The following JPH3 variants were observed in gnomAD, a reference collection of about 807,000 sequenced individuals.
JPH3 encodes junctophilin-3.
JPH3 carries 11 observed loss-of-function variants against 59.6 expected under a neutral mutation model. That is an observed-to-expected ratio of 0.18 (90% CI 0.12 to 0.31). JPH3 has a LOEUF of 0.31. JPH3 is among the 10% of genes least tolerant of loss of function. The probability of loss-of-function intolerance (pLI) is 1.00; values close to 1 mark genes in which losing one functional copy is unlikely to be tolerated. For missense variants in JPH3, 1,202 were observed against 1,105.7 expected (o/e 1.09, Z -1.24); for synonymous variants, 673 against 483.6 (o/e 1.39, Z -5.14).
chr16:87,607,466 A>T (rs2030565887), intron 1 of JPH3, among the ~76,000 whole-genome samples: 1 of 152,242 alleles, frequency 6.6e-6, no homozygotes, highest in Admixed American at 6.5e-5. Flanking sequence ...CGCGCACAAA[A>T]CACCTGCCAC....
intron 2 of JPH3, among the ~76,000 whole-genome samples, chr16:87,681,354 G>C (rs2033288630): frequency 6.7e-6 from 1 of 148,338 alleles, no homozygotes; most frequent in East Asian, 2.0e-4. Flanking sequence ...GTTCCGGGAG[G>C]TCAGGTGCGC....
chr16:87,654,297 C>G (rs1304068900), intron 2 of JPH3: 4 of 152,156 alleles, frequency 2.6e-5, no homozygotes, highest in Admixed American at 6.5e-5. Flanking sequence ...TCCCTTTTTT[C>G]AGATCCTGAA....
chr16:87,643,969 C>G (rs551767528), intron 1 of JPH3, among the ~76,000 whole-genome samples: 1 of 152,280 alleles, frequency 6.6e-6, no homozygotes, highest in African/African-American at 2.4e-5. Flanking sequence ...AGACTGCCAT[C>G]TCTACAAATA....
At chr16:87,643,321 C>T (rs999802101) in intron 1 of JPH3, among the ~76,000 whole-genome samples, 1 of 152,242 alleles carries the variant, frequency 6.6e-6, no homozygotes, top group African/African-American at 2.4e-5. Flanking sequence ...CTTTCCCTTT[C>T]CAGCCATGGA....
intron 2 of JPH3, among the ~76,000 whole-genome samples, chr16:87,680,048 CA>C (rs1228204663): frequency 6.6e-6 from 1 of 152,248 alleles, no homozygotes; most frequent in African/African-American, 2.4e-5. Flanking sequence ...GGCAGCCACA[CA>C]CCCAGCCCAG....
At chr16:87,627,083 C>G (rs921912330) in intron 1 of JPH3, among the ~76,000 whole-genome samples, 6 of 152,274 alleles carry the variant, frequency 3.9e-5, no homozygotes, top group Admixed American at 2.0e-4. Flanking sequence ...CCTGCCCCAG[C>G]CCCGCTGAAT....
chr16:87,680,063 G>A (rs945876394), intron 2 of JPH3, among the ~76,000 whole-genome samples: 2 of 152,234 alleles, frequency 1.3e-5, no homozygotes, highest in Non-Finnish European at 2.9e-5. Context: ...AGCCCAGGGT[G>A]TGGTCTCCCC....
At chr16:87,659,596 G>A (rs1377490453) in intron 2 of JPH3, among the ~76,000 whole-genome samples, 1 of 151,870 alleles carries the variant, frequency 6.6e-6, no homozygotes, top group Non-Finnish European at 1.5e-5. Flanking sequence ...TAGTGGGTGT[G>A]GTGACAGGTG....
intron 2 of JPH3, among the ~76,000 whole-genome samples, chr16:87,666,530 T>G (rs989309851): frequency 6.6e-6 from 1 of 152,074 alleles, no homozygotes; most frequent in Non-Finnish European, 1.5e-5. Flanking sequence ...CAGCTGCAAC[T>G]ACAGGTGTGC....
intron 1 of JPH3, among the ~76,000 whole-genome samples, chr16:87,622,981 G>C (rs547503478): frequency 6.6e-5 from 10 of 152,240 alleles, no homozygotes; most frequent in Non-Finnish European, 4.4e-5. Flanking sequence ...GGTCCCACAG[G>C]GGGGTAAGTT....
intron 2 of JPH3, among the ~76,000 whole-genome samples, chr16:87,655,747 C>T (rs558258278): frequency 1.3e-5 from 2 of 152,260 alleles, no homozygotes; most frequent in Admixed American, 6.5e-5. Context: ...AGTGCAGGCA[C>T]CAGCCCACGT....
At chr16:87,614,327 G>T (rs960156263) in intron 1 of JPH3, among the ~76,000 whole-genome samples, 3 of 152,086 alleles carry the variant, frequency 2.0e-5, no homozygotes, top group Admixed American at 1.3e-4. Context: ...GCAGGTCCCT[G>T]TACACAGGAG....
intron 2 of JPH3, among the ~76,000 whole-genome samples, chr16:87,667,874 T>A (rs1266877636): frequency 2.0e-5 from 3 of 152,206 alleles, no homozygotes; most frequent in African/African-American, 7.2e-5. Context: ...CAAAACCCGT[T>A]CCTAGCTCCA....
At chr16:87,672,230 G>T (rs1356286906) in intron 2 of JPH3, among the ~76,000 whole-genome samples, 2 of 152,134 alleles carry the variant, frequency 1.3e-5, no homozygotes, top group Admixed American at 6.5e-5. Flanking sequence ...CTCCTGAAGA[G>T]ACTCCGTTTC....
chr16:87,692,814 G>A (rs546411390), intron 4 of JPH3, among the ~76,000 whole-genome samples: 1 of 152,290 alleles, frequency 6.6e-6, no homozygotes, highest in African/African-American at 2.4e-5. Flanking sequence ...TCCCTCCTGC[G>A]GGCAGCCACG....
upstream of JPH3, among the ~76,000 whole-genome samples, chr16:87,602,431 CG>C (rs1417599117): frequency 7.5e-5 from 1 of 13,296 alleles, no homozygotes; most frequent in Non-Finnish European, 2.0e-4. Flanking sequence ...GGGGCGGGGG[CG>C]GGGGCGGGGG....
chr16:87,659,509 G>C (rs949630458), intron 2 of JPH3, among the ~76,000 whole-genome samples: 1 of 152,040 alleles, frequency 6.6e-6, no homozygotes, highest in African/African-American at 2.4e-5. Flanking sequence ...ATCACTTGAG[G>C]TCAGGAGTTC....
intron 1 of JPH3, among the ~76,000 whole-genome samples, chr16:87,616,210 G>C (rs1441406711): frequency 3.5e-5 from 5 of 144,878 alleles, no homozygotes; most frequent in Non-Finnish European, 7.6e-5. Context: ...GTGTGTGTGT[G>C]TGTGTGTGTG....
At chr16:87,604,834 TCAAA>T in intron 1 of JPH3, 1 of 390,486 alleles carries the variant, frequency 2.6e-6, no homozygotes, top group East Asian at 7.6e-5. Flanking sequence ...CTCCTGCCTG[TCAAA>T]GCCGTGCCCA....
Sources: gnomAD v4.1 joint callset for allele counts (sites outside exome capture counted in the v4.1 genomes callset) on GRCh38, gnomAD v4.1.1 for gene constraint, MANE v1.5 for transcripts, NCBI Gene and HGNC (gene_info 2026-07-23, HGNC 2026-07-21) for gene names.